MATR3: variants seen among roughly 807,000 people sequenced by gnomAD.
MATR3 encodes matrin-3.
A neutral mutation model predicts 85.5 loss-of-function variants in MATR3; 4 were observed. The observed-to-expected ratio is 0.05, with a 90% CI of 0.02 to 0.11. MATR3 has a LOEUF of 0.11. Among genes scored for constraint, MATR3 ranks in the 10% least tolerant of loss-of-function variants. The pLI, the probability that MATR3 is intolerant of heterozygous loss-of-function variation, is 1.00. For missense variants in MATR3, 685 were observed against 1,016.1 expected (o/e 0.67, Z 4.43); for synonymous variants, 336 against 343.1 (o/e 0.98, Z 0.23).
intron 1 of MATR3, among the ~76,000 whole-genome samples, chr5:139,306,782 T>C (rs1305117096): frequency 6.6e-6 from 1 of 152,230 alleles, no homozygotes; most frequent in Non-Finnish European, 1.5e-5. Flanking sequence ...TTTTACTTGG[T>C]TCTTTCTGAT....
chr5:139,317,063 T>G lies in MATR3; in HGVS notation c.1140T>G (p.Asn380Lys). 1 of 1,614,074 alleles carries G rather than the reference T, an allele frequency of 6.2e-7. No homozygotes were observed. Among genetic ancestry groups the G allele is most frequent in the South Asian group, 1.1e-5 (1 of 91,084 alleles). The change falls in exon 6 of 15, where the codon AAT becomes AAG. Residue 380 changes from asparagine to lysine, a missense_variant. Asn to Lys is a moderately conservative substitution (Grantham distance 94). Coordinates refer to ENST00000394805, the MANE Select transcript of MATR3 (RefSeq NM_018834.6). ...VGPRGNLGAG[N>K]GNLQGPRHMQ... Reference sequence around the variant, plus strand: ...TCTCTTCCCATAAAGGTGCTGGAAATGGAAACCTGCAAGGACCTAGACACA... The same window carrying G: ...TCTCTTCCCATAAAGGTGCTGGAAAGGGAAACCTGCAAGGACCTAGACACA...
At chr5:139,295,721 C>T (rs945190614) in intron 1 of MATR3, among the ~76,000 whole-genome samples, 1 of 152,136 alleles carries the variant, frequency 6.6e-6, no homozygotes, top group Non-Finnish European at 1.5e-5. Context: ...TCACGTAGTT[C>T]AAATCCCTAA....
chr5:139,324,974 G>A (rs1213438783), intron 12 of MATR3, among the ~76,000 whole-genome samples: 2 of 151,936 alleles, frequency 1.3e-5, no homozygotes, highest in African/African-American at 2.4e-5. Context: ...GGTGGATCAC[G>A]AGGTCAGGAG....
At chr5:139,302,844 C>T (rs1413183141) in intron 1 of MATR3, among the ~76,000 whole-genome samples, 2 of 152,148 alleles carry the variant, frequency 1.3e-5, no homozygotes, top group African/African-American at 4.8e-5. Context: ...CTTGATAGAA[C>T]ATTTGGAAAA....
intron 1 of MATR3, among the ~76,000 whole-genome samples, chr5:139,303,846 C>G (rs1754578146): frequency 1.3e-5 from 2 of 152,058 alleles, no homozygotes; most frequent in African/African-American, 4.8e-5. Flanking sequence ...CTAGATATTA[C>G]TCTGAAAGAA....
chr5:139,282,518 T>G (rs994967125), intron 3 of MATR3, among the ~76,000 whole-genome samples: 1 of 152,216 alleles, frequency 6.6e-6, no homozygotes, highest in African/African-American at 2.4e-5. Flanking sequence ...ACTTTAAAAT[T>G]TATTTTATTT....
intron 3 of MATR3, chr5:139,314,946 C>T (rs1274218237): frequency 2.0e-5 from 10 of 507,126 alleles, no homozygotes; most frequent in Non-Finnish European, 3.2e-5. Context: ...TGTTATTTAA[C>T]ATTTCTAGGA....
At chr5:139,278,430 A>C (rs1561917456) in intron 2 of MATR3, 1 of 446,134 alleles carries the variant, frequency 2.2e-6, no homozygotes, top group Non-Finnish European at 4.5e-6. Context: ...TATTCATTCC[A>C]ACATTGACTA....
intron 9 of MATR3, among the ~76,000 whole-genome samples, chr5:139,321,451 G>T (rs1413859966): frequency 6.7e-6 from 1 of 148,588 alleles, no homozygotes; most frequent in Non-Finnish European, 1.5e-5. Flanking sequence ...ACTGCGCCCA[G>T]CCCTGATATT....
intron 7 of MATR3, among the ~76,000 whole-genome samples, chr5:139,318,566 C>A (rs1755375531): frequency 6.6e-6 from 1 of 152,158 alleles, no homozygotes; most frequent in African/African-American, 2.4e-5. Flanking sequence ...CAGCCTCCTC[C>A]CAAGTAGCTG....
chr5:139,302,095 A>G (rs898654968), intron 1 of MATR3, among the ~76,000 whole-genome samples: 2 of 152,154 alleles, frequency 1.3e-5, no homozygotes, highest in African/African-American at 2.4e-5. Context: ...TTTCTATTGT[A>G]TGATGACACA....
In MATR3 at chr5:139,317,471, T is replaced by A. The variant is rs192317344; in HGVS notation, c.1183-125T>A. 5.4e-6 allele frequency: 5 copies of A among 931,558 alleles called. No individual in the cohort carries two copies. In the African/African-American group the frequency reaches 8.3e-5, roughly 15 times the overall value. The allele number at this position is 931,558 out of a possible 1,614,324, so 57.7% of individuals were successfully genotyped here. On this transcript the variant is annotated intron_variant, in intron 6 of 14. Transcript: ENST00000394805. ...TATGTAGCTTTAAAATTCTCTAGAA[T>A]GTTATGAGTTGTTTTACTTACACTC...
At chr5:139,296,972 A>G (rs1480154985) in intron 1 of MATR3, among the ~76,000 whole-genome samples, 1 of 152,188 alleles carries the variant, frequency 6.6e-6, no homozygotes, top group Non-Finnish European at 1.5e-5. Context: ...GAGTTCTGAG[A>G]CCAGCTTGCC....
chr5:139,286,715 G>A (rs1235180603), intron 3 of MATR3, among the ~76,000 whole-genome samples: 1 of 151,506 alleles, frequency 6.6e-6, no homozygotes, highest in Admixed American at 6.6e-5. Context: ...CTGGTGGCAC[G>A]GGCCTGTAAT....
intron 3 of MATR3, 158 bp downstream of exon 3, chr5:139,314,894 C>G (rs1281643608): frequency 3.1e-6 from 2 of 655,316 alleles, no homozygotes; most frequent in African/African-American, 3.7e-5. Context: ...ATGTTTAGAT[C>G]TGGAAATTTC....
chr5:139,290,932 T>C (rs943479669), upstream of MATR3, among the ~76,000 whole-genome samples: 1 of 152,152 alleles, frequency 6.6e-6, no homozygotes, highest in African/African-American at 2.4e-5. Context: ...ACCCAGTTTA[T>C]CTTAGATTCT....
chr5:139,324,344 A>G (rs1284882984), intron 12 of MATR3, among the ~76,000 whole-genome samples: 1 of 126,784 alleles, frequency 7.9e-6, no homozygotes, highest in East Asian at 2.4e-4. Flanking sequence ...CCCAGGCTGG[A>G]GTGCGGTGGT....
Position 139,330,169 on chromosome 5 carries a change from G to A in MATR3, c.*774G>A, listed in dbSNP as rs1285861792. ...ATAAGCAACATTTGATTTTTGAAGT[G>A]TGTAGACCATCTCTTCATATTTTCA... On this transcript the variant is annotated 3_prime_UTR_variant, in exon 15 of 15. Coordinates refer to ENST00000394805, the MANE Select transcript of MATR3 (RefSeq NM_018834.6). The A allele has an allele frequency of 2.2e-6, 1 of 454,420 alleles. No homozygotes were observed. The highest frequency in any genetic ancestry group is 4.4e-6 in the Non-Finnish European group (1 of 226,762). 28.1% of individuals were successfully genotyped at this position (454,420 alleles called of 1,614,324 possible). A position where few individuals can be genotyped will look rare whatever the true frequency, so the allele number is the denominator to read the frequency against.
At chr5:139,293,714 C>G (rs1353069880), upstream of MATR3, 1 of 350,390 alleles carries the variant, frequency 2.9e-6, no homozygotes, top group African/African-American at 2.1e-5. Context: ...CCGCTTCTCG[C>G]CAGCGCCGTT....
Sources: allele counts gnomAD v4.1 joint callset (sites outside exome capture counted in the v4.1 genomes callset), GRCh38; gene constraint gnomAD v4.1.1; transcripts MANE v1.5; gene names NCBI Gene and HGNC (gene_info 2026-07-23, HGNC 2026-07-21).